The following SNX30 variants were observed in gnomAD, a reference collection of about 807,000 sequenced individuals.
SNX30 encodes the protein sorting nexin family member 30, also known as sorting nexin-30.
Under a neutral mutation model 46.4 loss-of-function variants are expected in SNX30, and 24 were observed. The ratio of observed to expected loss-of-function variants is 0.52; its 90% CI spans 0.37 to 0.73. The LOEUF is 0.73. SNX30 is among the 30% of genes least tolerant of loss of function. SNX30 has a pLI of 0.00. For synonymous variants in SNX30, 189 were observed against 211.5 expected, an observed-to-expected ratio of 0.89 and a Z score of 0.92; for missense variants, 533 against 555.7, an observed-to-expected ratio of 0.96 and a Z score of 0.41.
At chr9:112,754,771 C>T (rs115948656) in intron 1 of SNX30, among the ~76,000 whole-genome samples, 2 of 152,126 alleles carry the variant, frequency 1.3e-5, no homozygotes, top group Non-Finnish European at 2.9e-5. Context: ...TAACTTTCAT[C>T]TGTAAATTGC....
rs1360657326 is a variant in SNX30 at position 112,871,430 on chromosome 9, A to G, written c.*2587A>G. The stretch of plus-strand genomic sequence containing the variant: ...TGCCTCTTCGTTTTGACCAAGCACA[A>G]AAGAGATATTCCCTAGAAGTGTCAC... On this transcript the variant is annotated 3_prime_UTR_variant, in exon 9 of 9. Coordinates refer to ENST00000374232, the MANE Select transcript of SNX30 (RefSeq NM_001012994.2). 1 of 152,028 alleles carries G rather than the reference A, an allele frequency of 6.6e-6. No individual in the cohort carries two copies. The highest frequency in any genetic ancestry group is 1.5e-5 in the Non-Finnish European group (1 of 67,992). The allele number at this position is 152,028 out of a possible 1,614,324, so 9.4% of individuals were successfully genotyped here.
intron 3 of SNX30, among the ~76,000 whole-genome samples, chr9:112,821,971 G>A (rs1327274745): frequency 2.0e-5 from 3 of 152,060 alleles, no homozygotes; most frequent in Non-Finnish European, 2.9e-5. Context: ...TAGAGACAAG[G>A]TGTCACTGTG....
chr9:112,766,297 C>T (rs1030457159), intron 1 of SNX30, among the ~76,000 whole-genome samples: 4 of 151,808 alleles, frequency 2.6e-5, no homozygotes, highest in African/African-American at 9.7e-5. Flanking sequence ...ATGGATATAC[C>T]ACATTTTGTT....
intron 2 of SNX30, among the ~76,000 whole-genome samples, chr9:112,817,278 A>AT (rs1035036060): frequency 6.6e-6 from 1 of 150,442 alleles, no homozygotes; most frequent in Non-Finnish European, 1.5e-5. Flanking sequence ...TCCTAAGTGG[A>AT]TTTTTTCTGC....
At chr9:112,797,699 CT>C (rs1310779106) in intron 1 of SNX30, among the ~76,000 whole-genome samples, 1 of 73,000 alleles carries the variant, frequency 1.4e-5, no homozygotes, top group African/African-American at 4.6e-5. Context: ...CTCTTCTTTT[CT>C]TTTTCTTTTT....
intron 2 of SNX30, among the ~76,000 whole-genome samples, chr9:112,809,174 C>T (rs1276462487): frequency 6.6e-6 from 1 of 151,516 alleles, no homozygotes; most frequent in East Asian, 1.9e-4. Context: ...GCGGCCTCCG[C>T]CTCCCAGGTT....
chr9:112,858,182 G>A (rs753043816), intron 7 of SNX30, among the ~76,000 whole-genome samples: 2 of 152,158 alleles, frequency 1.3e-5, no homozygotes, highest in Admixed American at 6.5e-5. Context: ...TAGCACAACC[G>A]TAACAATACC....
chr9:112,762,280 C>T (rs1839452092), intron 1 of SNX30, among the ~76,000 whole-genome samples: 1 of 151,800 alleles, frequency 6.6e-6, no homozygotes, highest in African/African-American at 2.4e-5. Flanking sequence ...TTGGGGGTTC[C>T]TGCTTGAGAA....
rs1350435346 is a variant in SNX30, at chr9:112,750,868, G to A, written c.-134G>A. 7 of 800,600 alleles carry A rather than the reference G, an allele frequency of 8.7e-6. No homozygotes were observed. The highest frequency in any genetic ancestry group is 1.9e-5 in the African/African-American group (1 of 53,690). The allele number at this position is 800,600 out of a possible 1,614,324, so 49.6% of individuals were successfully genotyped here. ...CAGAGACCAGCCGGCGGGTGGCGGC[G>A]GCCCCCAGCACGGCCGGTGCAAGGC... On this transcript the variant is annotated 5_prime_UTR_variant, in exon 1 of 9. Coordinates refer to ENST00000374232, the MANE Select transcript of SNX30 (RefSeq NM_001012994.2).
chr9:112,780,075 G>T (rs1050366480), intron 1 of SNX30, among the ~76,000 whole-genome samples: 1 of 152,224 alleles, frequency 6.6e-6, no homozygotes, highest in Non-Finnish European at 1.5e-5. Flanking sequence ...GGACCAACGT[G>T]CTGCTTCTAC....
intron 2 of SNX30, among the ~76,000 whole-genome samples, chr9:112,817,380 A>T (rs1314143392): frequency 7.6e-5 from 2 of 26,454 alleles, no homozygotes; most frequent in African/African-American, 1.6e-4. Flanking sequence ...TCCTGACGGT[A>T]GGGAAAAAAA....
chr9:112,796,462 G>A (rs1475951630), intron 1 of SNX30, among the ~76,000 whole-genome samples: 1 of 152,196 alleles, frequency 6.6e-6, no homozygotes, highest in Non-Finnish European at 1.5e-5. Flanking sequence ...CATTGAAAAG[G>A]CAGTCCCATC....
intron 1 of SNX30, among the ~76,000 whole-genome samples, chr9:112,784,553 G>T (rs1038341046): frequency 6.6e-6 from 1 of 152,086 alleles, no homozygotes; most frequent in African/African-American, 2.4e-5. Context: ...ACCCCTTGGC[G>T]ATTTTGCTGA....
chr9:112,797,873 A>ATTTTTTTT (rs55871515), intron 1 of SNX30, among the ~76,000 whole-genome samples: 1 of 121,972 alleles, frequency 8.2e-6, no homozygotes, highest in Non-Finnish European at 1.7e-5. Flanking sequence ...TAATATTGGT[A>ATTTTTTTT]TTTTTTTTTT....
At chr9:112,755,578 GC>G (rs1839336053) in intron 1 of SNX30, among the ~76,000 whole-genome samples, 1 of 151,882 alleles carries the variant, frequency 6.6e-6, no homozygotes, top group Non-Finnish European at 1.5e-5. Flanking sequence ...GATCACATAG[GC>G]TGTTCAATTG....
chr9:112,852,688 T>C (rs1002024881), intron 7 of SNX30, among the ~76,000 whole-genome samples: 2 of 152,210 alleles, frequency 1.3e-5, no homozygotes, highest in East Asian at 1.9e-4. Flanking sequence ...AGTTTGACTT[T>C]AGAATTTTGC....
intron 2 of SNX30, among the ~76,000 whole-genome samples, chr9:112,816,620 A>C (rs1447310399): frequency 6.6e-6 from 1 of 152,170 alleles, no homozygotes; most frequent in East Asian, 1.9e-4. Flanking sequence ...GGTTTTGGGG[A>C]GGATGAAATC....
chr9:112,795,228 AC>A (rs1401504291), intron 1 of SNX30, among the ~76,000 whole-genome samples: 1 of 152,110 alleles, frequency 6.6e-6, no homozygotes, highest in Non-Finnish European at 1.5e-5. Flanking sequence ...CCAGCCATGT[AC>A]CACACACTAT....
chr9:112,838,535 C>G lies in SNX30; in HGVS notation c.852C>G (p.Tyr284Ter). 3 of 1,614,130 alleles carry G rather than the reference C, an allele frequency of 1.9e-6. No individual in the cohort carries two copies. The highest frequency in any genetic ancestry group is 2.5e-6 in the Non-Finnish European group (3 of 1,180,000). The change falls in exon 6 of 9, where the codon TAC becomes TAG. Residue 284 changes from tyrosine to a stop codon, truncating the protein, a stop_gained. Coordinates refer to ENST00000374232, the MANE Select transcript of SNX30 (RefSeq NM_001012994.2). LOFTEE classifies it high-confidence loss of function. Reference protein sequence around the residue: ...LVELREYGPVYSTWSALEGEL... With the variant: ...LVELREYGPV ...AGCTGAGAGAATACGGGCCTGTGTA[C>G]TCCACATGGAGCGCCTTGGAGGGTG...
Sources: gnomAD v4.1 joint callset for allele counts (sites outside exome capture counted in the v4.1 genomes callset) on GRCh38, gnomAD v4.1.1 for gene constraint, MANE v1.5 for transcripts, NCBI Gene and HGNC (gene_info 2026-07-23, HGNC 2026-07-21) for gene names.